GPC5: variants seen among roughly 807,000 people sequenced by gnomAD.
GPC5 encodes glypican-5.
In GPC5, 47 loss-of-function variants were observed where a neutral mutation model predicts 53.9. The ratio of observed to expected loss-of-function variants is 0.87; its 90% CI spans 0.69 to 1.11. The LOEUF (loss-of-function observed/expected upper bound fraction) is 1.11. Ranked by LOEUF, GPC5 falls within the 50% of genes most tolerant of loss-of-function variation. The pLI is 0.00. For missense variants in GPC5, 748 were observed against 713.1 expected (o/e 1.05, Z -0.56); for synonymous variants, 286 against 263.3 (o/e 1.09, Z -0.84).
chr13:92,458,900 A>C (rs1878376559), intron 7 of GPC5, among the ~76,000 whole-genome samples: 1 of 152,152 alleles, frequency 6.6e-6, no homozygotes, highest in Non-Finnish European at 1.5e-5. Context: ...CTTATGCAAC[A>C]ATGCTTTTAA....
intron 6 of GPC5, among the ~76,000 whole-genome samples, chr13:92,014,700 A>G (rs1434284647): frequency 6.6e-6 from 1 of 152,176 alleles, no homozygotes; most frequent in Non-Finnish European, 1.5e-5. Context: ...TTGACCATGA[A>G]CAAGTGACTT....
At chr13:92,634,209 C>A (rs1351660286) in intron 7 of GPC5, among the ~76,000 whole-genome samples, 1 of 151,994 alleles carries the variant, frequency 6.6e-6, no homozygotes, top group African/African-American at 2.4e-5. Flanking sequence ...AATTTAATTA[C>A]AATGTCATGC....
chr13:92,234,126 C>T (rs2042551943), intron 7 of GPC5, among the ~76,000 whole-genome samples: 1 of 152,142 alleles, frequency 6.6e-6, no homozygotes. Context: ...CATACATGTG[C>T]ATGTGTCTTT....
At chr13:92,469,581 A>C (rs1420480796) in intron 7 of GPC5, among the ~76,000 whole-genome samples, 1 of 152,108 alleles carries the variant, frequency 6.6e-6, no homozygotes, top group Non-Finnish European at 1.5e-5. Flanking sequence ...ATAATTGCTG[A>C]GTTGGAGTAT....
chr13:91,647,499 C>T (rs541625874), intron 2 of GPC5, among the ~76,000 whole-genome samples: 7 of 152,372 alleles, frequency 4.6e-5, no homozygotes, highest in Admixed American at 4.6e-4. Context: ...AGGCCCAGAG[C>T]TCTGACATCA....
intron 5 of GPC5, among the ~76,000 whole-genome samples, chr13:91,845,238 G>T (rs1466448338): frequency 1.3e-5 from 2 of 151,528 alleles, no homozygotes; most frequent in African/African-American, 2.4e-5. Context: ...TAATTCATTG[G>T]CTTCTTAGTG....
chr13:91,970,686 AT>A (rs1277269476), intron 6 of GPC5, among the ~76,000 whole-genome samples: 10 of 152,238 alleles, frequency 6.6e-5, no homozygotes, highest in African/African-American at 2.4e-4. Context: ...GGGTTGTTGA[AT>A]TTTGTCAAAG....
intron 7 of GPC5, among the ~76,000 whole-genome samples, chr13:92,459,599 A>G (rs746048041): frequency 2.0e-5 from 3 of 152,206 alleles, no homozygotes; most frequent in Non-Finnish European, 4.4e-5. Context: ...CAGGGAATAG[A>G]CAGGCTGGAT....
intron 7 of GPC5, among the ~76,000 whole-genome samples, chr13:92,719,589 T>C (rs572519046): frequency 6.6e-6 from 1 of 152,166 alleles, no homozygotes; most frequent in Non-Finnish European, 1.5e-5. Flanking sequence ...AAAAATAGAT[T>C]TATTTTCCAG....
intron 5 of GPC5, among the ~76,000 whole-genome samples, chr13:91,820,473 C>T (rs1167080669): frequency 6.6e-6 from 1 of 151,982 alleles, no homozygotes; most frequent in Non-Finnish European, 1.5e-5. Context: ...TGCAAAGCCT[C>T]CCCCCACCAC....
rs905807925 is a variant in GPC5, at chr13:91,698,690, G to A, written c.1020+4809G>A. Among the ~76,000 whole-genome samples, 7 of 152,260 alleles carry A rather than the reference G, an allele frequency of 4.6e-5. No individual in the cohort carries two copies. In the South Asian group the frequency reaches 8.3e-4, roughly 18 times the overall value. ...AACCTAATTAAAATACAATGCCATTGCAATTTTAGATATTTTAAATTTAGA... is the reference window on the plus strand; with the variant it reads ...AACCTAATTAAAATACAATGCCATTACAATTTTAGATATTTTAAATTTAGA... On this transcript the variant is annotated intron_variant, in intron 3 of 7. Transcript: ENST00000377067.
chr13:92,777,640 G>A (rs1383958598), intron 7 of GPC5, among the ~76,000 whole-genome samples: 2 of 150,366 alleles, frequency 1.3e-5, no homozygotes, highest in African/African-American at 4.9e-5. Context: ...AACAAAGACT[G>A]GGCAAGTCTT....
intron 3 of GPC5, among the ~76,000 whole-genome samples, chr13:91,702,611 T>C (rs939688087): frequency 1.3e-5 from 2 of 152,052 alleles, no homozygotes; most frequent in Non-Finnish European, 2.9e-5. Context: ...AATATTGCTT[T>C]ACTATTTGTA....
At chr13:92,613,335 A>ATT (rs1566320049) in intron 7 of GPC5, among the ~76,000 whole-genome samples, 4 of 102,126 alleles carry the variant, frequency 3.9e-5, no homozygotes, top group African/African-American at 1.7e-4. Flanking sequence ...TATATAATAT[A>ATT]ATATATTTAT....
chr13:92,446,784 C>T (rs1298080651), intron 7 of GPC5: 1 of 152,108 alleles, frequency 6.6e-6, no homozygotes, highest in African/African-American at 2.4e-5. Context: ...CACATCCTTG[C>T]CAGCATTTGT....
At chr13:91,755,639 A>G (rs2037274324) in intron 4 of GPC5, among the ~76,000 whole-genome samples, 1 of 152,120 alleles carries the variant, frequency 6.6e-6, no homozygotes, top group Non-Finnish European at 1.5e-5. Flanking sequence ...TGGGGAAGGA[A>G]AGTATTGTGG....
chr13:92,476,560 T>C lies in GPC5; in HGVS notation c.1561+331571T>C, dbSNP rs9589559. ...CATTACTGGGTATATACCCAAAGGA[T>C]TATAAATCATGCTGCTATAAAGACA... On this transcript the variant is annotated intron_variant, in intron 7 of 7. Coordinates refer to ENST00000377067, the MANE Select transcript of GPC5 (RefSeq NM_004466.6). Among the ~76,000 whole-genome samples, 1,069 of 149,480 alleles carry C rather than the reference T, an allele frequency of 7.2e-3. 15 individuals are homozygous for C. The highest frequency in any genetic ancestry group is 0.024 in the African/African-American group (956 of 39,130).
Position 91,448,805 on chromosome 13 carries a change from A to C in GPC5, c.208A>C (p.Thr70Pro), listed in dbSNP as rs762782899. 6 of 1,613,780 alleles carry C rather than the reference A, an allele frequency of 3.7e-6. No individual in the cohort carries two copies. The highest frequency in any genetic ancestry group is 4.2e-6 in the Non-Finnish European group (5 of 1,179,772). Residue 70 changes from threonine (T) to proline (P), a missense_variant, in exon 2 of 8, where the codon ACC becomes CCC. Coordinates refer to ENST00000377067, the MANE Select transcript of GPC5 (RefSeq NM_004466.6). ...VCISKKPTCC[T>P]RKMEERYQIA... ...CATATCCAAAAAGCCTACATGTTGC[A>C]CCAGGAAGATGGAGGAGAGATATCA...
At chr13:92,808,479 G>A (rs905715644) in intron 7 of GPC5, among the ~76,000 whole-genome samples, 3 of 152,026 alleles carry the variant, frequency 2.0e-5, no homozygotes, top group Non-Finnish European at 4.4e-5. Flanking sequence ...GGGTGCTGGT[G>A]GGGATTTCTA....
Sources: gnomAD v4.1 joint callset for allele counts (sites outside exome capture counted in the v4.1 genomes callset) on GRCh38, gnomAD v4.1.1 for gene constraint, MANE v1.5 for transcripts, NCBI Gene and HGNC (gene_info 2026-07-23, HGNC 2026-07-21) for gene names.